The following IL11RA variants were observed in gnomAD, a reference collection of about 807,000 sequenced individuals.
The protein encoded by IL11RA is interleukin 11 receptor subunit alpha.
In IL11RA, 51 loss-of-function variants were observed where a neutral mutation model predicts 57.0. The observed-to-expected ratio is 0.89, with a 90% CI of 0.71 to 1.13. The LOEUF is 1.13. Among genes scored for constraint, IL11RA ranks in the 50% most tolerant of loss-of-function variants. The probability of loss-of-function intolerance (pLI) is 0.00; values close to 1 mark genes in which losing one functional copy is unlikely to be tolerated. For synonymous variants in IL11RA, 199 were observed against 217.5 expected (o/e 0.91, Z 0.75); for missense variants, 498 against 539.4 (o/e 0.92, Z 0.76).
intron 2 of IL11RA, 100 bp downstream of exon 2, chr9:34,655,417 T>G: frequency 1.2e-6 from 1 of 861,732 alleles, no homozygotes; most frequent in South Asian, 1.4e-5. Context: ...CCACCCCTGC[T>G]CCTGTCATCC....
At chr9:34,652,272 G>A (rs1256280264) in intron 1 of IL11RA, 39 bp downstream of exon 1, 1 of 153,232 alleles carries the variant, frequency 6.5e-6, no homozygotes, top group African/African-American at 2.4e-5. Flanking sequence ...TGTCAGGAGT[G>A]GGCGGGGCAG....
intron 2 of IL11RA, 34 bp from the exon 3 acceptor site, chr9:34,655,571 A>C (rs2132353968): frequency 6.2e-7 from 1 of 1,603,610 alleles, no homozygotes; most frequent in East Asian, 2.2e-5. Flanking sequence ...AGGGGGGTAA[A>C]GGAAGAGCCT....
intron 1 of IL11RA, 144 bp from the exon 2 acceptor site, chr9:34,655,074 A>C (rs1821317074): frequency 1.4e-6 from 1 of 693,570 alleles, no homozygotes; most frequent in Non-Finnish European, 2.7e-6. Context: ...ACCTCAGGTC[A>C]GTTCCCGCAG....
intron 12 of IL11RA, among the ~76,000 whole-genome samples, chr9:34,661,205 T>C (rs1184769580): frequency 7.2e-6 from 1 of 138,606 alleles, no homozygotes; most frequent in African/African-American, 2.5e-5. Flanking sequence ...ACTAATACTC[T>C]TCCAGGGTAT....
intron 11 of IL11RA, 110 bp downstream of exon 11, chr9:34,660,710 C>T: frequency 8.4e-7 from 1 of 1,192,548 alleles, no homozygotes; most frequent in East Asian, 2.3e-5. Context: ...CTGTCTGATT[C>T]TGGAACTACC....
At position 34,655,026 on chromosome 9, in the gene IL11RA, C is replaced by T. The variant is rs545457139; in HGVS notation, c.1-192C>T. 8.6e-5 allele frequency: 53 copies of T among 614,726 alleles called. 1 individual carries two copies. The highest frequency in any genetic ancestry group is 6.1e-4 in the South Asian group (34 of 55,962). 38.1% of individuals were successfully genotyped at this position (614,726 alleles called of 1,614,324 possible). A position where few individuals can be genotyped will look rare whatever the true frequency, so the allele number is the denominator to read the frequency against. ...GTGTGTGTGTGTGTGTGCGCGCGCA[C>T]GCACATGCAAAGCACTGGGTATACA... On this transcript the variant is annotated intron_variant, in intron 1 of 12. Coordinates refer to ENST00000441545, the MANE Select transcript of IL11RA (RefSeq NM_001142784.3).
chr9:34,656,320 C>T (rs1320457762), intron 3 of IL11RA, among the ~76,000 whole-genome samples: 1 of 152,172 alleles, frequency 6.6e-6, no homozygotes, highest in Non-Finnish European at 1.5e-5. Flanking sequence ...CGTGAGCCAC[C>T]GTGCCTGGCC....
At chr9:34,654,454 C>G (rs1193976426) in intron 1 of IL11RA, among the ~76,000 whole-genome samples, 2 of 152,044 alleles carry the variant, frequency 1.3e-5, no homozygotes, top group East Asian at 3.9e-4. Flanking sequence ...CCCTCCCCGC[C>G]ACCCTGTCTC....
chr9:34,660,938 TGAGTA>T lies in IL11RA; in HGVS notation c.1252+4_1252+8del. 1 of 1,610,416 alleles carries T rather than the reference TGAGTA, an allele frequency of 6.2e-7. No individual in the cohort carries two copies. Among genetic ancestry groups the T allele is most frequent in the Non-Finnish European group, 8.5e-7 (1 of 1,176,946 alleles). On this transcript the variant is annotated splice_donor_5th_base_variant and intron_variant, in intron 12 of 12. Coordinates refer to ENST00000441545, the MANE Select transcript of IL11RA (RefSeq NM_001142784.3). ...TGATTCCAGTGGACAGGCGTCCAGG[TGAGTA>T]GGACATCCAGAAGATTTGGACTTGG...
At position 34,660,292 on chromosome 9, in the gene IL11RA, T is replaced by C. The variant is rs765301778; in HGVS notation, c.971T>C (p.Ile324Thr). The change falls in exon 10 of 13, where the codon ATA becomes ACA. Residue 324 changes from isoleucine to threonine, a missense_variant. Coordinates refer to ENST00000441545, the MANE Select transcript of IL11RA (RefSeq NM_001142784.3). ...TPSTGTIPKE[I>T]PAWGQLHTQP... The stretch of plus-strand genomic sequence containing the variant: ...CCTTTAGGGACCATACCAAAGGAGA[T>C]ACCAGCATGGGGCCAGCTACACACG... 6.2e-7 allele frequency: 1 copy of C among 1,614,220 alleles called. No individual in the cohort carries two copies. The highest frequency in any genetic ancestry group is 1.7e-5 in the Admixed American group (1 of 60,034).
Position 34,659,806 on chromosome 9 carries a change from G to A in IL11RA, c.858G>A (p.Gly286=). Residue 286 remains glycine (G), a synonymous_variant, in exon 9 of 13, where the codon GGG becomes GGA. Transcript: ENST00000441545. ...AGGTGATCACAGATGCTGTGGCTGG[G>A]CTGCCCCATGCTGTACGAGTCAGTG... The part of the protein sequence containing the change: ...LEEVITDAVA[G]LPHAVRVSAR... The A allele has an allele frequency of 2.5e-6, 4 of 1,614,202 alleles. No individual in the cohort carries two copies. Among genetic ancestry groups the A allele is most frequent in the Non-Finnish European group, 2.5e-6 (3 of 1,180,034 alleles).
chr9:34,660,458 A>C (rs1821433205), intron 10 of IL11RA, 46 bp from the exon 11 acceptor site: 2 of 1,614,036 alleles, frequency 1.2e-6, no homozygotes, highest in Non-Finnish European at 1.7e-6. Flanking sequence ...GGGGACACCG[A>C]GCTTGGTCAG....
intron 2 of IL11RA, 57 bp downstream of exon 2, chr9:34,655,374 A>T: frequency 2.8e-6 from 3 of 1,088,836 alleles, no homozygotes; most frequent in Non-Finnish European, 2.8e-6. Context: ...TGCCACCCTC[A>T]CTGTGGCCCC....
In IL11RA at chr9:34,660,930, C is replaced by T. The variant is rs142497211; in HGVS notation, c.1246C>T (p.Arg416Cys). The part of the protein sequence containing the change: ...FLASVIPVDR[R>C]PGAPNL ...GGCCTCAGTGATTCCAGTGGACAGG[C>T]GTCCAGGTGAGTAGGACATCCAGAA... Residue 416 changes from arginine to cysteine, a missense_variant, in exon 12 of 13, where the codon CGT becomes TGT. Arg to Cys is a radical substitution (Grantham distance 180). Coordinates refer to ENST00000441545, the MANE Select transcript of IL11RA (RefSeq NM_001142784.3). 166 of 1,612,326 alleles carry T rather than the reference C, an allele frequency of 1.0e-4. 1 individual carries two copies. The African/African-American group carries it at 1.3e-3, about 13-fold the overall frequency.
intron 7 of IL11RA, 66 bp downstream of exon 7, chr9:34,657,653 T>G: frequency 5.4e-6 from 8 of 1,487,776 alleles, no homozygotes; most frequent in Non-Finnish European, 5.6e-6. Flanking sequence ...CTCAGATCTC[T>G]CCACTCCCAG....
chr9:34,659,346 T>C (rs1587248378), intron 8 of IL11RA, among the ~76,000 whole-genome samples: 1 of 152,226 alleles, frequency 6.6e-6, no homozygotes, highest in Non-Finnish European at 1.5e-5. Context: ...GATTGGCTGG[T>C]ATCAGGACTA....
At position 34,658,026 on chromosome 9, in the gene IL11RA, T is replaced by TC. The variant is rs1245049810; in HGVS notation, c.646+440dup. ...GTCCACCCGCAGATCTCAGGTGGTT[T>TC]CTTTTTTTCTTTCTCTTCCTTTTTT... On this transcript the variant is annotated intron_variant, in intron 7 of 12. Coordinates refer to ENST00000441545, the MANE Select transcript of IL11RA (RefSeq NM_001142784.3). The surrounding 1 kb of genome is among the most constrained non-coding windows in gnomAD (Gnocchi z 4.0). 6.6e-6 allele frequency among the ~76,000 whole-genome samples: 1 copy of TC among 152,192 alleles called. No individual in the cohort carries two copies. Among genetic ancestry groups the TC allele is most frequent in the East Asian group, 1.9e-4 (1 of 5,194 alleles).
chr9:34,657,406 C>T lies in IL11RA; in HGVS notation c.480-15C>T, dbSNP rs1205624990. ...TAGGCATTTTCAAAGCCAAAGACCA[C>T]ATCCTCCCTTCTAGGAGGAGTCCAT... On this transcript the variant is annotated splice_polypyrimidine_tract_variant and intron_variant, in intron 6 of 12. Transcript: ENST00000441545. The T allele has an allele frequency of 6.2e-7, 1 of 1,614,158 alleles. No individual in the cohort carries two copies. Among genetic ancestry groups the T allele is most frequent in the Admixed American group, 1.7e-5 (1 of 60,032 alleles).
At chr9:34,660,707 A>T in intron 11 of IL11RA, 107 bp downstream of exon 11, 1 of 1,210,144 alleles carries the variant, frequency 8.3e-7, no homozygotes, top group Middle Eastern at 1.9e-4. Context: ...AACCTGTCTG[A>T]TTCTGGAACT....
Sources: gnomAD v4.1 joint callset for allele counts (sites outside exome capture counted in the v4.1 genomes callset) on GRCh38, gnomAD v4.1.1 for gene constraint, Gnocchi (gnomAD v3.1) non-coding constraint, MANE v1.5 for transcripts, NCBI Gene and HGNC (gene_info 2026-07-23, HGNC 2026-07-21) for gene names.